RBFOX1: variants seen among roughly 807,000 people sequenced by gnomAD.
The protein encoded by RBFOX1 is RNA binding fox-1 homolog 1.
Under a neutral mutation model 57.7 loss-of-function variants are expected in RBFOX1, and 8 were observed. The ratio of observed to expected loss-of-function variants is 0.14; its 90% CI spans 0.08 to 0.25. RBFOX1 has a LOEUF of 0.25. Among genes scored for constraint, RBFOX1 ranks in the 10% least tolerant of loss-of-function variants. RBFOX1 has a pLI of 1.00. For missense variants in RBFOX1, 611 were observed against 548.5 expected, an observed-to-expected ratio of 1.11 and a Z score of -1.14; for synonymous variants, 326 against 222.4, an observed-to-expected ratio of 1.47 and a Z score of -4.15.
chr16:6,838,728 G>GT (rs1369755353), intron 3 of RBFOX1, among the ~76,000 whole-genome samples: 1 of 152,098 alleles, frequency 6.6e-6, no homozygotes, highest in Non-Finnish European at 1.5e-5. Flanking sequence ...TCCTGCATCG[G>GT]TAATACATTT....
intron 3 of RBFOX1, among the ~76,000 whole-genome samples, chr16:5,789,268 A>G (rs972377004): frequency 2.6e-5 from 4 of 152,178 alleles, no homozygotes; most frequent in African/African-American, 9.7e-5. Context: ...ATAATTTCTG[A>G]AAACCCAGGG....
At chr16:6,799,242 T>C (rs2084797162) in intron 3 of RBFOX1, among the ~76,000 whole-genome samples, 3 of 152,192 alleles carry the variant, frequency 2.0e-5, no homozygotes, top group South Asian at 4.2e-4. Context: ...GGCTGCTCCA[T>C]AGACACAGCA....
At chr16:6,769,326 G>C (rs1012407680) in intron 3 of RBFOX1, among the ~76,000 whole-genome samples, 3 of 152,180 alleles carry the variant, frequency 2.0e-5, no homozygotes, top group Non-Finnish European at 4.4e-5. Flanking sequence ...ATGTGGAACT[G>C]TAAGTCTATT....
chr16:7,271,689 G>C (rs1425126056), intron 4 of RBFOX1, among the ~76,000 whole-genome samples: 3 of 152,100 alleles, frequency 2.0e-5, no homozygotes, highest in African/African-American at 7.2e-5. Context: ...TCGGGAAACA[G>C]TGATTTAAAA....
chr16:6,173,413 C>A, intron 1 of RBFOX1, among the ~76,000 whole-genome samples: 1 of 152,152 alleles, frequency 6.6e-6, no homozygotes, highest in South Asian at 2.1e-4. Context: ...TATTTGCAGT[C>A]ATATGCATCA....
intron 3 of RBFOX1, among the ~76,000 whole-genome samples, chr16:6,857,204 C>G (rs772492917): frequency 3.9e-5 from 6 of 152,162 alleles, no homozygotes; most frequent in Non-Finnish European, 7.3e-5. Context: ...GACTTTGGCT[C>G]TCTCTACGCT....
In RBFOX1 at chr16:6,384,964, G is replaced by A. The variant is rs997495513; in HGVS notation, c.-64+67907G>A. ...GAAACTGCTCCATTTCTGTGTAAATGGTAGCCATGTCCGAGTGGGTGTCAC... is the reference window on the plus strand; with the variant it reads ...GAAACTGCTCCATTTCTGTGTAAATAGTAGCCATGTCCGAGTGGGTGTCAC... On this transcript the variant is annotated intron_variant, in intron 2 of 15. Coordinates refer to ENST00000550418, the MANE Select transcript of RBFOX1 (RefSeq NM_018723.4). 7.2e-5 allele frequency among the ~76,000 whole-genome samples: 11 copies of A among 152,282 alleles called. No homozygotes were observed. In the East Asian group the frequency reaches 1.5e-3, roughly 21 times the overall value.
intron 14 of RBFOX1, among the ~76,000 whole-genome samples, chr16:7,690,358 C>A (rs985700687): frequency 1.1e-4 from 17 of 152,052 alleles, no homozygotes; most frequent in Non-Finnish European, 1.2e-4. Flanking sequence ...AGGCCCGAGA[C>A]CCAGTTTCAG....
chr16:5,894,806 G>T (rs1407919913), intron 4 of RBFOX1, among the ~76,000 whole-genome samples: 1 of 152,108 alleles, frequency 6.6e-6, no homozygotes, highest in African/African-American at 2.4e-5. Context: ...CGGATCACGA[G>T]GTCAGGAGAT....
At chr16:6,884,830 G>A (rs2063658059) in intron 3 of RBFOX1, among the ~76,000 whole-genome samples, 1 of 152,126 alleles carries the variant, frequency 6.6e-6, no homozygotes. Flanking sequence ...CTCAGGAGGT[G>A]GAGGTGGCAG....
At chr16:7,572,195 G>C (rs997960204) in intron 5 of RBFOX1, among the ~76,000 whole-genome samples, 3 of 152,104 alleles carry the variant, frequency 2.0e-5, no homozygotes, top group African/African-American at 7.2e-5. Flanking sequence ...CTTTATACAA[G>C]GGACTTAACC....
intron 1 of RBFOX1, among the ~76,000 whole-genome samples, chr16:5,244,632 A>T (rs1415057722): frequency 1.3e-5 from 2 of 152,246 alleles, no homozygotes; most frequent in African/African-American, 4.8e-5. Context: ...TGACATGAAG[A>T]CATGGCAACC....
chr16:7,227,689 T>A (rs1420355962), intron 4 of RBFOX1, among the ~76,000 whole-genome samples: 1 of 152,064 alleles, frequency 6.6e-6, no homozygotes, highest in African/African-American at 2.4e-5. Context: ...CCAGCGGGCA[T>A]TTGGGTCATT....
At chr16:7,318,375 A>G (rs905434094) in intron 4 of RBFOX1, among the ~76,000 whole-genome samples, 5 of 151,896 alleles carry the variant, frequency 3.3e-5, no homozygotes, top group South Asian at 2.1e-4. Flanking sequence ...GGTGGTGGTG[A>G]TGATGTTTGG....
intron 4 of RBFOX1, among the ~76,000 whole-genome samples, chr16:7,361,463 G>T (rs1226025297): frequency 6.6e-6 from 1 of 152,168 alleles, no homozygotes; most frequent in Non-Finnish European, 1.5e-5. Context: ...TTGGCTGAGG[G>T]TTACCTGGTC....
chr16:6,075,121 C>T lies in RBFOX1; in HGVS notation c.-127+55129C>T, dbSNP rs145469336. On this transcript the variant is annotated intron_variant, in intron 1 of 15. Coordinates refer to ENST00000550418, the MANE Select transcript of RBFOX1 (RefSeq NM_018723.4). ...CCCTGCTTCTGGTGCTCCCATTTATCACATGCAGGGAATGAAATTTGCAGA... is the reference window on the plus strand; with the variant it reads ...CCCTGCTTCTGGTGCTCCCATTTATTACATGCAGGGAATGAAATTTGCAGA... 7.4e-3 allele frequency among the ~76,000 whole-genome samples: 1,133 copies of T among 152,232 alleles called. 6 individuals are homozygous for T. Among genetic ancestry groups the T allele is most frequent in the Non-Finnish European group, 0.011 (727 of 68,018 alleles).
chr16:7,617,701 A>C (rs1459551131), intron 10 of RBFOX1, among the ~76,000 whole-genome samples: 1 of 152,192 alleles, frequency 6.6e-6, no homozygotes, highest in Non-Finnish European at 1.5e-5. Context: ...GGCGCTAGAC[A>C]CTGTGCTAGG....
At chr16:7,236,082 T>G (rs924495740) in intron 4 of RBFOX1, among the ~76,000 whole-genome samples, 17 of 152,230 alleles carry the variant, frequency 1.1e-4, no homozygotes. Context: ...TATCTGGACT[T>G]AGCTTACCTC....
intron 3 of RBFOX1, among the ~76,000 whole-genome samples, chr16:5,624,536 G>T (rs1451443496): frequency 2.0e-5 from 3 of 152,244 alleles, no homozygotes; most frequent in Non-Finnish European, 4.4e-5. Flanking sequence ...GTGGGGAAAA[G>T]CTCCTGAGAA....
Sources: allele counts gnomAD v4.1 joint callset (sites outside exome capture counted in the v4.1 genomes callset), GRCh38; gene constraint gnomAD v4.1.1; transcripts MANE v1.5; gene names NCBI Gene and HGNC (gene_info 2026-07-23, HGNC 2026-07-21).